The following UBOX5 variants were observed in gnomAD, a reference collection of about 807,000 sequenced individuals.
UBOX5 encodes U-box domain containing 5.
UBOX5 carries 28 observed loss-of-function variants against 39.0 expected under a neutral mutation model. The observed-to-expected ratio is 0.72, with a 90% CI of 0.53 to 0.98. The LOEUF (loss-of-function observed/expected upper bound fraction) is 0.98, where lower values mean the gene tolerates loss of function less well. Among genes scored for constraint, UBOX5 ranks in the 50% least tolerant of loss-of-function variants. The pLI is 0.00. For synonymous variants in UBOX5, 283 were observed against 275.5 expected (o/e 1.03, Z -0.27); for missense variants, 585 against 674.4 (o/e 0.87, Z 1.47).
At chr20:3,112,920 T>C (rs998395187) in intron 4 of UBOX5, among the ~76,000 whole-genome samples, 16 of 151,650 alleles carry the variant, frequency 1.1e-4, no homozygotes, top group Admixed American at 8.6e-4. Context: ...GAGCCAGGAT[T>C]GTGCCACTGC....
At chr20:3,129,591 T>C (rs987045148) in intron 1 of UBOX5, among the ~76,000 whole-genome samples, 8 of 152,188 alleles carry the variant, frequency 5.3e-5, no homozygotes, top group Admixed American at 2.0e-4. Context: ...AAGCTACTCA[T>C]TGGCACTGTG....
intron 1 of UBOX5, among the ~76,000 whole-genome samples, chr20:3,129,696 C>T (rs16988310): frequency 0.13 from 19,459 of 152,176 alleles, 3,061 homozygotes; most frequent in African/African-American, 0.37. Flanking sequence ...ATGGTATCCT[C>T]TCTTGGAGAC....
rs1461689726 is a variant in UBOX5, at chr20:3,149,223, G to C, written c.-42+10543C>G. On this transcript the variant is annotated intron_variant, in intron 1 of 4. Coordinates refer to ENST00000217173, the MANE Select transcript of UBOX5 (RefSeq NM_014948.4). The surrounding 1 kb of genome is among the most constrained non-coding windows in gnomAD (Gnocchi z 4.1). ...AATCTTCAGCATATCACAAGAGCCA[G>C]GGATCACAAATGACTGGGTCAGAAT... is the stretch of plus-strand genomic sequence containing the variant. The C allele has an allele frequency of 5.3e-6, 4 of 756,978 alleles. No individual in the cohort carries two copies. Among genetic ancestry groups the C allele is most frequent in the Non-Finnish European group, 8.4e-6 (4 of 474,988 alleles). 46.9% of individuals were successfully genotyped at this position (756,978 alleles called of 1,614,324 possible).
intron 3 of UBOX5, among the ~76,000 whole-genome samples, chr20:3,120,411 G>A (rs1342821464): frequency 6.8e-6 from 1 of 146,966 alleles, no homozygotes; most frequent in African/African-American, 2.5e-5. Context: ...CACTTTGGGA[G>A]GCCAAGGTGG....
chr20:3,145,052 C>T (rs575742920), intron 1 of UBOX5, among the ~76,000 whole-genome samples: 1 of 152,224 alleles, frequency 6.6e-6, no homozygotes, highest in South Asian at 2.1e-4. Flanking sequence ...GAATCAGCAA[C>T]TAAGGACAAA....
chr20:3,122,054 A>G lies in UBOX5; in HGVS notation c.585T>C (p.Gly195=). 6.2e-7 allele frequency: 1 copy of G among 1,614,052 alleles called. No individual in the cohort carries two copies. Among genetic ancestry groups the G allele is most frequent in the Non-Finnish European group, 8.5e-7 (1 of 1,180,026 alleles). ...IPCIKRLEVW[G]QPAKTCSQEV... ...CCTGGGAGCAGGTCTTGGCCGGCTG[A>G]CCCCACACTTCCAACCGCTTGATAC... Residue 195 remains glycine, a synonymous_variant, in exon 3 of 5, where the codon GGT becomes GGC. Transcript: ENST00000217173.
At chr20:3,152,100 C>CAAAAAAAAAAAAAA (rs60655157) in intron 1 of UBOX5, among the ~76,000 whole-genome samples, 1 of 62,876 alleles carries the variant, frequency 1.6e-5, no homozygotes, top group Non-Finnish European at 3.4e-5. Flanking sequence ...GACTCTGTCT[C>CAAAAAAAAAAAAAA]AAAAAAAAAA....
At chr20:3,131,694 T>C (rs1008749201) in intron 1 of UBOX5, among the ~76,000 whole-genome samples, 4 of 152,230 alleles carry the variant, frequency 2.6e-5, no homozygotes, top group Non-Finnish European at 5.9e-5. Flanking sequence ...ATTCAAAACC[T>C]GTAATTCAAA....
intron 1 of UBOX5, among the ~76,000 whole-genome samples, chr20:3,132,485 C>A (rs993255039): frequency 5.9e-5 from 9 of 152,000 alleles, no homozygotes; most frequent in African/African-American, 2.2e-4. Context: ...CTAAACTGCT[C>A]TAAATTATAA....
chr20:3,140,916 ATTTT>A (rs11365728), intron 1 of UBOX5, among the ~76,000 whole-genome samples: 2 of 111,990 alleles, frequency 1.8e-5, no homozygotes, highest in East Asian at 2.6e-4. Flanking sequence ...GGGTTGCCAG[ATTTT>A]TTTTTTTTTT....
chr20:3,110,208 C>T lies in UBOX5; in HGVS notation c.1524G>A (p.Leu508=), dbSNP rs989415469. The T allele has an allele frequency of 6.2e-7, 1 of 1,613,976 alleles. No individual in the cohort carries two copies. Among genetic ancestry groups the T allele is most frequent in the Non-Finnish European group, 8.5e-7 (1 of 1,179,988 alleles). The change falls in exon 5 of 5, where the codon CTG becomes CTA. Residue 508 remains leucine (L), a synonymous_variant. Transcript: ENST00000217173. The part of the protein sequence containing the change: ...PVYQLPCGHL[L]CRPCLGEKQR... ...GCTTCTCACCCAGGCAGGGTCGGCA[C>T]AGGAGGTGGCCGCAGGGCAGCTGGT...
At chr20:3,132,550 T>C (rs2066437689) in intron 1 of UBOX5, among the ~76,000 whole-genome samples, 1 of 151,378 alleles carries the variant, frequency 6.6e-6, no homozygotes, top group African/African-American at 2.4e-5. Flanking sequence ...GAGGCGTGAT[T>C]GGTCATGCCT....
At chr20:3,156,335 C>T (rs927988265) in intron 1 of UBOX5, among the ~76,000 whole-genome samples, 3 of 151,964 alleles carry the variant, frequency 2.0e-5, no homozygotes, top group Non-Finnish European at 4.4e-5. Flanking sequence ...GCCAACATGC[C>T]CACCTAATTT....
intron 4 of UBOX5, among the ~76,000 whole-genome samples, chr20:3,112,682 G>A (rs939726307): frequency 2.6e-5 from 4 of 152,302 alleles, no homozygotes; most frequent in East Asian, 1.9e-4. Context: ...GGTCGGGCAC[G>A]GTGGCTCACA....
intron 1 of UBOX5, among the ~76,000 whole-genome samples, chr20:3,128,592 T>C (rs1600383164): frequency 6.6e-6 from 1 of 152,122 alleles, no homozygotes; most frequent in East Asian, 1.9e-4. Flanking sequence ...CCGGGCGGAG[T>C]GGCTCACACC....
At position 3,110,141 on chromosome 20, in the gene UBOX5, C is replaced by A. The variant is rs777676230; in HGVS notation, c.1591G>T (p.Val531Phe). The A allele has an allele frequency of 1.4e-5, 23 of 1,612,876 alleles. No homozygotes were observed. In the East Asian group the frequency reaches 5.1e-4, roughly 36 times the overall value. The change falls in exon 5 of 5, where the codon GTT becomes TTT. Residue 531 changes from valine (V) to phenylalanine (F), a missense_variant. Coordinates refer to ENST00000217173, the MANE Select transcript of UBOX5 (RefSeq NM_014948.4). ...ACCCGCAGCACGTCTTGGCTAGCAA[C>A]CGGCCGCTGGCAGGCTGTGCACGTC... is the stretch of plus-strand genomic sequence containing the variant. ...PMTCTACQRP[V>F]ASQDVLRVHF
intron 1 of UBOX5, among the ~76,000 whole-genome samples, chr20:3,130,333 CTTTTT>C (rs5839987): frequency 7.6e-6 from 1 of 132,226 alleles, no homozygotes. Context: ...TTGTTTATGC[CTTTTT>C]TTTTTTTTTT....
chr20:3,117,679 G>A (rs1050261659), intron 3 of UBOX5, among the ~76,000 whole-genome samples: 35 of 151,438 alleles, frequency 2.3e-4, no homozygotes, highest in African/African-American at 7.3e-4. Flanking sequence ...GCGAGACTCC[G>A]TCACTATATA....
chr20:3,132,777 G>A (rs1204514788), intron 1 of UBOX5, among the ~76,000 whole-genome samples: 11 of 148,502 alleles, frequency 7.4e-5, no homozygotes, highest in African/African-American at 2.0e-4. Flanking sequence ...CCAAGATAGC[G>A]CCACTGCACT....
Sources: allele counts gnomAD v4.1 joint callset (sites outside exome capture counted in the v4.1 genomes callset), GRCh38; gene constraint gnomAD v4.1.1; non-coding constraint Gnocchi (gnomAD v3.1); transcripts MANE v1.5; gene names NCBI Gene and HGNC (gene_info 2026-07-23, HGNC 2026-07-21).